PAK3: variants seen among roughly 807,000 people sequenced by gnomAD.
The protein encoded by PAK3 is serine/threonine-protein kinase PAK 3.
A neutral mutation model predicts 41.0 loss-of-function variants in PAK3; 4 were observed. The observed-to-expected ratio is 0.10, with a 90% CI of 0.05 to 0.22. The LOEUF (loss-of-function observed/expected upper bound fraction) is 0.22. Ranked by LOEUF, PAK3 falls within the 10% of genes least tolerant of loss-of-function variation. PAK3 has a pLI of 1.00. For synonymous variants in PAK3, 146 were observed against 139.6 expected (o/e 1.05, Z -0.32); for missense variants, 205 against 409.9 (o/e 0.50, Z 4.32).
At chrX:111,025,686 G>A (rs908402367) in intron 1 of PAK3, among the ~76,000 whole-genome samples, 16 of 110,543 alleles carry the variant, frequency 1.4e-4, no homozygotes, top group Admixed American at 5.8e-4. Flanking sequence ...AGGACCCAAC[G>A]GATTCACAGG....
At chrX:111,138,455 A>G (rs766324322) in intron 5 of PAK3, among the ~76,000 whole-genome samples, 1 of 111,682 alleles carries the variant, frequency 9.0e-6, no homozygotes, top group Admixed American at 9.5e-5. Context: ...CTCAAAGTAG[A>G]CACTGAGTAG....
At chrX:110,950,830 G>T (rs1479825605) in intron 1 of PAK3, among the ~76,000 whole-genome samples, 1 of 111,376 alleles carries the variant, frequency 9.0e-6, no homozygotes, top group African/African-American at 3.3e-5. Flanking sequence ...TAGTAAAGTT[G>T]CTGGTTTGGA....
At chrX:111,093,438 A>G (rs889261737), upstream of PAK3, among the ~76,000 whole-genome samples, 2 of 111,923 alleles carry the variant, frequency 1.8e-5, no homozygotes, top group African/African-American at 3.2e-5. Flanking sequence ...AAGCAAGAGA[A>G]CAGTGAGTTG....
chrX:111,052,826 CT>C (rs2092570997), intron 1 of PAK3, among the ~76,000 whole-genome samples: 1 of 112,444 alleles, frequency 8.9e-6, no homozygotes. Context: ...GTTTTGTCTT[CT>C]TTCATGGAAC....
intron 1 of PAK3, among the ~76,000 whole-genome samples, chrX:111,015,900 C>T (rs966326359): frequency 8.9e-6 from 1 of 112,321 alleles, no homozygotes; most frequent in Non-Finnish European, 1.9e-5. Flanking sequence ...TATATTCTCT[C>T]ATTCAATGGG....
chrX:110,974,763 C>T (rs868452370), intron 1 of PAK3, among the ~76,000 whole-genome samples: 6 of 111,740 alleles, frequency 5.4e-5, no homozygotes, highest in East Asian at 5.6e-4. Context: ...TTATCCACCA[C>T]GATCAAGTTG....
At chrX:111,059,345 A>G (rs1244482055) in intron 1 of PAK3, among the ~76,000 whole-genome samples, 2 of 109,365 alleles carry the variant, frequency 1.8e-5, no homozygotes, top group Non-Finnish European at 3.8e-5. Flanking sequence ...TTTTTTTGTA[A>G]TTTTTTTGTA....
intron 1 of PAK3, among the ~76,000 whole-genome samples, chrX:111,043,681 A>G (rs1302274446): frequency 8.9e-6 from 1 of 112,169 alleles, no homozygotes; most frequent in East Asian, 2.8e-4. Context: ...TCTGGAGTAA[A>G]TTTAAGTTTA....
intron 8 of PAK3, 128 bp from the exon 9 acceptor site, chrX:111,162,787 A>G: frequency 1.6e-6 from 1 of 630,221 alleles, no homozygotes; most frequent in Admixed American, 2.3e-5. Flanking sequence ...GATGATTCTG[A>G]TCATTTGTGA....
chrX:111,193,976 G>A (rs2094587251), intron 13 of PAK3, among the ~76,000 whole-genome samples: 2 of 111,049 alleles, frequency 1.8e-5, no homozygotes, highest in Non-Finnish European at 3.8e-5. Context: ...AGGGCAGGGT[G>A]GGAACATTGG....
At chrX:110,958,051 A>C (rs1718516786) in intron 1 of PAK3, among the ~76,000 whole-genome samples, 1 of 111,942 alleles carries the variant, frequency 8.9e-6, no homozygotes, top group African/African-American at 3.2e-5. Context: ...AGCATGAAGA[A>C]AGGCCCTTCT....
chrX:111,164,497 TC>T (rs907612866), intron 10 of PAK3, among the ~76,000 whole-genome samples: 11 of 111,126 alleles, frequency 9.9e-5, no homozygotes, highest in African/African-American at 3.6e-4. Context: ...TGCTTGTCCC[TC>T]CCAGTCCATG....
At chrX:111,025,539 A>G (rs2092257016) in intron 1 of PAK3, among the ~76,000 whole-genome samples, 1 of 111,414 alleles carries the variant, frequency 9.0e-6, no homozygotes, top group Non-Finnish European at 1.9e-5. Flanking sequence ...TAGAAAACCT[A>G]GAGGAAATGG....
intron 1 of PAK3, among the ~76,000 whole-genome samples, chrX:111,051,904 G>A (rs1432011529): frequency 2.7e-5 from 3 of 112,443 alleles, no homozygotes; most frequent in African/African-American, 9.7e-5. Context: ...GAGCTCTCCA[G>A]TTCAAGGGAA....
At chrX:111,171,392 T>A (rs2094339032) in intron 10 of PAK3, among the ~76,000 whole-genome samples, 1 of 110,013 alleles carries the variant, frequency 9.1e-6, no homozygotes, top group Admixed American at 9.6e-5. Context: ...ATGATGCCCT[T>A]CAAAGTATAC....
intron 10 of PAK3, among the ~76,000 whole-genome samples, chrX:111,168,164 A>G (rs945230715): frequency 3.6e-5 from 4 of 112,146 alleles, no homozygotes; most frequent in Admixed American, 2.8e-4. Flanking sequence ...TTAGCTTAAT[A>G]TGTCAGAAAA....
intron 8 of PAK3, chrX:111,152,816 G>A (rs2032336276): frequency 7.8e-6 from 1 of 128,531 alleles, no homozygotes; most frequent in South Asian, 2.6e-4. Context: ...TACAGCGTGT[G>A]ACTTTTGAGG....
At chrX:111,062,963 C>T (rs1297519235) in intron 1 of PAK3, among the ~76,000 whole-genome samples, 3 of 109,760 alleles carry the variant, frequency 2.7e-5, no homozygotes, top group Non-Finnish European at 5.7e-5. Context: ...ATACTGTCAG[C>T]AGTGCCACAT....
At chrX:110,956,992 G>A (rs1027560093) in intron 1 of PAK3, among the ~76,000 whole-genome samples, 1 of 111,403 alleles carries the variant, frequency 9.0e-6, no homozygotes, top group Non-Finnish European at 1.9e-5. Flanking sequence ...ACTAATCTCT[G>A]GGCCTTTCTC....
Sources: allele counts gnomAD v4.1 joint callset (sites outside exome capture counted in the v4.1 genomes callset), GRCh38; gene constraint gnomAD v4.1.1; transcripts MANE v1.5; gene names NCBI Gene and HGNC (gene_info 2026-07-23, HGNC 2026-07-21).